WDR11: variants seen among roughly 807,000 people sequenced by gnomAD.
The protein encoded by WDR11 is WD repeat-containing protein 11.
A neutral mutation model predicts 151.2 loss-of-function variants in WDR11; 83 were observed. The ratio of observed to expected loss-of-function variants is 0.55; its 90% CI spans 0.46 to 0.66. WDR11 has a LOEUF of 0.66. Among genes scored for constraint, WDR11 ranks in the 30% least tolerant of loss-of-function variants. The pLI is 0.00. For missense variants in WDR11, 1,301 were observed against 1,480.9 expected (o/e 0.88, Z 1.99); for synonymous variants, 484 against 533.1 (o/e 0.91, Z 1.27).
At chr10:120,886,602 G>A (rs1012565232) in intron 15 of WDR11, 87 bp from the exon 16 acceptor site, 11 of 1,539,920 alleles carry the variant, frequency 7.1e-6, no homozygotes, top group East Asian at 2.4e-5. Flanking sequence ...CTCTTAATGC[G>A]TCTGTACTTT....
chr10:120,904,994 T>G (rs1847978416), intron 25 of WDR11, among the ~76,000 whole-genome samples, 183 bp downstream of exon 25: 1 of 152,210 alleles, frequency 6.6e-6, no homozygotes, highest in African/African-American at 2.4e-5. Flanking sequence ...GTTTACACTT[T>G]TCAGAGTGAA....
intron 24 of WDR11, 156 bp downstream of exon 24, chr10:120,904,298 A>G: frequency 1.5e-6 from 1 of 685,616 alleles, no homozygotes; most frequent in East Asian, 2.7e-5. Flanking sequence ...AAATAATACC[A>G]ATAAACCTCA....
intron 2 of WDR11, chr10:120,855,992 GA>G (rs1368133630): frequency 6.6e-6 from 1 of 152,046 alleles, no homozygotes; most frequent in East Asian, 1.9e-4. Context: ...GGTGTTTTGG[GA>G]AAAATATATT....
intron 21 of WDR11, among the ~76,000 whole-genome samples, chr10:120,902,014 A>G (rs1368499250): frequency 6.6e-6 from 1 of 152,248 alleles, no homozygotes; most frequent in Non-Finnish European, 1.5e-5. Context: ...TATAAACCAG[A>G]AATGAGAGCG....
In WDR11 at chr10:120,862,802, G is replaced by GA; in HGVS notation, c.600dup (p.Val201SerfsTer9). On this transcript the variant is annotated frameshift_variant, in exon 5 of 29. Transcript: ENST00000263461. LOFTEE classifies it high-confidence loss of function. ...CATCCAAGCCTCCCTCAGGCCCTGG[G>GA]AAAAAAGTTTACATATCCAGCCCAC... The GA allele has an allele frequency of 1.2e-6, 2 of 1,614,026 alleles. No homozygotes were observed. Among genetic ancestry groups the GA allele is most frequent in the Non-Finnish European group, 1.7e-6 (2 of 1,180,012 alleles).
chr10:120,883,585 C>T (rs537736807), intron 13 of WDR11, among the ~76,000 whole-genome samples, 195 bp from the exon 14 acceptor site: 1 of 152,250 alleles, frequency 6.6e-6, no homozygotes, highest in South Asian at 2.1e-4. Flanking sequence ...TTGTGTGAGA[C>T]TGTATGTTCT....
chr10:120,902,089 C>T (rs1313025196), intron 21 of WDR11, among the ~76,000 whole-genome samples, 168 bp from the exon 22 acceptor site: 1 of 152,226 alleles, frequency 6.6e-6, no homozygotes, highest in East Asian at 1.9e-4. Flanking sequence ...TCTCAGCCCC[C>T]TTCAACTTTT....
intron 12 of WDR11, 163 bp from the exon 13 acceptor site, chr10:120,880,663 A>C: frequency 1.5e-6 from 1 of 678,640 alleles, no homozygotes; most frequent in Non-Finnish European, 2.4e-6. Context: ...TCTCAAAAAA[A>C]AAAACCCGAA....
At chr10:120,902,769 C>T (rs926685366) in intron 22 of WDR11, among the ~76,000 whole-genome samples, 1 of 151,988 alleles carries the variant, frequency 6.6e-6, no homozygotes, top group African/African-American at 2.4e-5. Context: ...CAATGGCCCA[C>T]ATTGAAAGGT....
intron 10 of WDR11, among the ~76,000 whole-genome samples, chr10:120,873,376 C>T (rs1036350214): frequency 6.6e-6 from 1 of 152,152 alleles, no homozygotes. Flanking sequence ...ACTTTACTCT[C>T]TTGTCAGGAT....
intron 13 of WDR11, among the ~76,000 whole-genome samples, chr10:120,882,361 G>A (rs1847038984): frequency 6.6e-6 from 1 of 151,426 alleles, no homozygotes; most frequent in Non-Finnish European, 1.5e-5. Context: ...AATATCCTTT[G>A]TTTTGGTATC....
In WDR11 at chr10:120,872,392, A is replaced by G. The variant is rs3781243; in HGVS notation, c.1471+1046A>G. On this transcript the variant is annotated intron_variant, in intron 10 of 28. Coordinates refer to ENST00000263461, the MANE Select transcript of WDR11 (RefSeq NM_018117.12). ...GTGTGCTTCATATGTGCATGTATGTATTATGTCAGTGTTCCTGATTTGTCA... is the reference window on the plus strand; with the variant it reads ...GTGTGCTTCATATGTGCATGTATGTGTTATGTCAGTGTTCCTGATTTGTCA... 3.6e-4 allele frequency among the ~76,000 whole-genome samples: 55 copies of G among 152,262 alleles called. 1 individual carries two copies. In the East Asian group the frequency reaches 0.01, roughly 29 times the overall value.
intron 10 of WDR11, among the ~76,000 whole-genome samples, 181 bp downstream of exon 10, chr10:120,871,527 A>G (rs925875085): frequency 1.3e-5 from 2 of 151,894 alleles, no homozygotes; most frequent in Non-Finnish European, 2.9e-5. Flanking sequence ...TTTTATTCCA[A>G]CTGTCTTATA....
intron 9 of WDR11, among the ~76,000 whole-genome samples, chr10:120,867,430 T>C (rs1395754922): frequency 6.6e-6 from 1 of 152,204 alleles, no homozygotes; most frequent in African/African-American, 2.4e-5. Flanking sequence ...ATGAAAGCAA[T>C]GACATTAGGC....
chr10:120,900,250 C>A, intron 20 of WDR11, 113 bp downstream of exon 20: 1 of 941,828 alleles, frequency 1.1e-6, no homozygotes, highest in Non-Finnish European at 1.7e-6. Context: ...GCCTTTAAAG[C>A]CGAGAGAAGG....
chr10:120,865,577 A>G (rs921409460), intron 6 of WDR11, 53 bp from the exon 7 acceptor site: 5 of 1,235,426 alleles, frequency 4.0e-6, no homozygotes, highest in Non-Finnish European at 5.8e-6. Flanking sequence ...TTCACAGTAT[A>G]TACTTTATTA....
intron 4 of WDR11, among the ~76,000 whole-genome samples, chr10:120,862,151 T>TGTTTTTG (rs35270762): frequency 2.7e-5 from 4 of 150,828 alleles, no homozygotes; most frequent in East Asian, 2.0e-4. Context: ...TTTTTGTTTT[T>TGTTTTTG]TTTTTTTGAG....
chr10:120,903,102 A>T lies in WDR11; in HGVS notation c.2801A>T (p.His934Leu). 2 of 1,614,198 alleles carry T rather than the reference A, an allele frequency of 1.2e-6. No homozygotes were observed. Among genetic ancestry groups the T allele is most frequent in the Non-Finnish European group, 1.7e-6 (2 of 1,180,042 alleles). ...SELHFWTVAA[H>L]YLHSLSQEKS... Reference sequence around the variant, plus strand: ...CTGCACTTCTGGACTGTCGCTGCCCACTACCTGCACAGCTTATCCCAGGAA... The same window carrying T: ...CTGCACTTCTGGACTGTCGCTGCCCTCTACCTGCACAGCTTATCCCAGGAA... Residue 934 changes from histidine (H) to leucine (L), a missense_variant, in exon 23 of 29, where the codon CAC (histidine) becomes CTC (leucine). Coordinates refer to ENST00000263461, the MANE Select transcript of WDR11 (RefSeq NM_018117.12).
At chr10:120,905,297 G>A (rs1004347647) in intron 25 of WDR11, 22 bp from the exon 26 acceptor site, 2 of 1,612,456 alleles carry the variant, frequency 1.2e-6, no homozygotes, top group Non-Finnish European at 1.7e-6. Context: ...GTCACTTAAG[G>A]GGATGCGCTT....
Sources: allele counts gnomAD v4.1 joint callset (sites outside exome capture counted in the v4.1 genomes callset), GRCh38; gene constraint gnomAD v4.1.1; transcripts MANE v1.5; gene names NCBI Gene and HGNC (gene_info 2026-07-23, HGNC 2026-07-21).